The following PAPPA2 variants were observed in gnomAD, a reference collection of about 807,000 sequenced individuals.
PAPPA2 encodes pappalysin 2, also known as pappalysin-2.
A neutral mutation model predicts 176.4 loss-of-function variants in PAPPA2; 86 were observed. That is an observed-to-expected ratio of 0.49 (90% CI 0.41 to 0.58). PAPPA2 has a LOEUF of 0.58. Ranked by LOEUF, PAPPA2 falls within the 20% of genes least tolerant of loss-of-function variation. The pLI, the probability that PAPPA2 is intolerant of heterozygous loss-of-function variation, is 0.00. For synonymous variants in PAPPA2, 809 were observed against 852.2 expected, an observed-to-expected ratio of 0.95 and a Z score of 0.88; for missense variants, 2,073 against 2,256.9, an observed-to-expected ratio of 0.92 and a Z score of 1.65.
chr1:176,807,633 C>A (rs1463446353), intron 21 of PAPPA2, among the ~76,000 whole-genome samples: 1 of 151,790 alleles, frequency 6.6e-6, no homozygotes, highest in African/African-American at 2.4e-5. Flanking sequence ...GCAGCTGGGA[C>A]TACAGGCATG....
In PAPPA2 at chr1:176,555,762, C is replaced by T. The variant is rs1651240585; in HGVS notation, c.-561C>T. Reference sequence around the variant, plus strand: ...TTCTAGCAATTTGTTTTAAGGTGAACTTATTTTGGCTTAGGGACTACAAAA... The same window carrying T: ...TTCTAGCAATTTGTTTTAAGGTGAATTTATTTTGGCTTAGGGACTACAAAA... On this transcript the variant is annotated 5_prime_UTR_variant, in exon 2 of 23. Coordinates refer to ENST00000367662, the MANE Select transcript of PAPPA2 (RefSeq NM_020318.3). 6.6e-6 allele frequency: 1 copy of T among 152,214 alleles called. No homozygotes were observed. Among genetic ancestry groups the T allele is most frequent in the Non-Finnish European group, 1.5e-5 (1 of 68,146 alleles). 9.4% of individuals were successfully genotyped at this position (152,214 alleles called of 1,614,324 possible). A position where few individuals can be genotyped will look rare whatever the true frequency, so the allele number is the denominator to read the frequency against.
At chr1:176,644,800 C>T (rs1362258537) in intron 3 of PAPPA2, among the ~76,000 whole-genome samples, 1 of 151,736 alleles carries the variant, frequency 6.6e-6, no homozygotes, top group Non-Finnish European at 1.5e-5. Flanking sequence ...AAGGTGACAT[C>T]TATACCACCT....
At chr1:176,755,315 C>T (rs1471541070) in intron 14 of PAPPA2, among the ~76,000 whole-genome samples, 2 of 152,176 alleles carry the variant, frequency 1.3e-5, no homozygotes, top group African/African-American at 4.8e-5. Context: ...ATTCAAGGAG[C>T]TGGATTGTAA....
chr1:176,530,743 T>G (rs1649763635), intron 1 of PAPPA2, among the ~76,000 whole-genome samples: 2 of 152,192 alleles, frequency 1.3e-5, no homozygotes, highest in Non-Finnish European at 2.9e-5. Context: ...TCTTCACTTT[T>G]CAATTGATAA....
chr1:176,513,219 A>G (rs1648723407), intron 1 of PAPPA2, among the ~76,000 whole-genome samples: 1 of 152,030 alleles, frequency 6.6e-6, no homozygotes, highest in African/African-American at 2.4e-5. Context: ...CTACTGATTC[A>G]GTTTCTCTGG....
intron 14 of PAPPA2, among the ~76,000 whole-genome samples, chr1:176,745,006 G>A (rs867511776): frequency 2.0e-5 from 3 of 152,250 alleles, no homozygotes; most frequent in Middle Eastern, 6.8e-3. Context: ...TACCAGGTTG[G>A]AGTACCACCT....
chr1:176,714,754 C>G (rs995455764), intron 12 of PAPPA2, among the ~76,000 whole-genome samples: 1 of 152,162 alleles, frequency 6.6e-6, no homozygotes, highest in African/African-American at 2.4e-5. Flanking sequence ...CTACCTTCTC[C>G]TAGAAAACAC....
At chr1:176,553,157 A>C (rs567109459) in intron 1 of PAPPA2, among the ~76,000 whole-genome samples, 1 of 150,776 alleles carries the variant, frequency 6.6e-6, no homozygotes, top group Non-Finnish European at 1.5e-5. Context: ...CACTTGACAG[A>C]TTATTTGAAT....
At chr1:176,718,919 A>C (rs12140861) in intron 12 of PAPPA2, among the ~76,000 whole-genome samples, 5,259 of 151,996 alleles carry the variant, frequency 0.035, 124 homozygotes, top group Middle Eastern at 0.11. Flanking sequence ...GTGTTGTTGA[A>C]ATTTCCTATA....
rs71129581 is a variant in PAPPA2 at position 176,702,776 on chromosome 1, TGAGA to T, written c.3365+65_3365+68del. 9,213 of 1,121,350 alleles carry T rather than the reference TGAGA, an allele frequency of 8.2e-3. 28 individuals are homozygous for T. The highest frequency in any genetic ancestry group is 0.029 in the African/African-American group (1,456 of 49,666). 69.5% of individuals were successfully genotyped at this position (1,121,350 alleles called of 1,614,324 possible). A position where few individuals can be genotyped will look rare whatever the true frequency, so the allele number is the denominator to read the frequency against. On this transcript the variant is annotated intron_variant, in intron 9 of 22. Transcript: ENST00000367662. ...GTGTGTGTGTGTGTGTGTGTGTGTG[TGAGA>T]GAGAGAGAGAGAGAGAGAGAGAGGG...
intron 17 of PAPPA2, among the ~76,000 whole-genome samples, chr1:176,781,841 C>T (rs1474029168): frequency 6.6e-5 from 10 of 152,206 alleles, no homozygotes; most frequent in Admixed American, 5.9e-4. Flanking sequence ...CTAGGTACCA[C>T]ACTGTGTGTA....
intron 11 of PAPPA2, among the ~76,000 whole-genome samples, chr1:176,711,164 G>C (rs1205911136): frequency 6.6e-6 from 1 of 152,118 alleles, no homozygotes; most frequent in Non-Finnish European, 1.5e-5. Context: ...CAGATACACT[G>C]TCGCCTTGAA....
At chr1:176,623,601 TCCTTCC>T (rs1558478923) in intron 3 of PAPPA2, among the ~76,000 whole-genome samples, 29 of 145,582 alleles carry the variant, frequency 2.0e-4, no homozygotes, top group African/African-American at 6.8e-4. Context: ...CTTCCTTCCT[TCCTTCC>T]TTCCTTCCTT....
At chr1:176,499,088 A>G (rs1222010129) in intron 1 of PAPPA2, among the ~76,000 whole-genome samples, 2 of 152,172 alleles carry the variant, frequency 1.3e-5, no homozygotes, top group Non-Finnish European at 2.9e-5. Flanking sequence ...CAGAGGTGCT[A>G]TGACTGCAGG....
chr1:176,683,565 A>G (rs911384681), intron 4 of PAPPA2, among the ~76,000 whole-genome samples: 12 of 152,148 alleles, frequency 7.9e-5, no homozygotes, highest in East Asian at 1.9e-4. Flanking sequence ...CTCTCAGTCA[A>G]TTATGCCTGT....
intron 21 of PAPPA2, among the ~76,000 whole-genome samples, chr1:176,819,605 C>A (rs760940): frequency 0.55 from 83,971 of 152,074 alleles, 24,059 homozygotes; most frequent in East Asian, 0.72. Context: ...TTTGTAGACA[C>A]TAAAATGCTA....
At chr1:176,528,390 A>G (rs1279919400) in intron 1 of PAPPA2, among the ~76,000 whole-genome samples, 1 of 152,236 alleles carries the variant, frequency 6.6e-6, no homozygotes, top group African/African-American at 2.4e-5. Flanking sequence ...ACTTGAAGAA[A>G]GAGGCAATGT....
chr1:176,623,940 A>C (rs1655859051), intron 3 of PAPPA2, among the ~76,000 whole-genome samples: 1 of 151,568 alleles, frequency 6.6e-6, no homozygotes, highest in Admixed American at 6.6e-5. Flanking sequence ...TCCCAGGATC[A>C]AGCGATCCTC....
intron 12 of PAPPA2, among the ~76,000 whole-genome samples, chr1:176,727,533 C>T (rs1210793033): frequency 2.0e-5 from 3 of 151,878 alleles, no homozygotes; most frequent in Admixed American, 6.6e-5. Context: ...TAAATTGAAG[C>T]ACTTAAGAAC....
Sources: allele counts gnomAD v4.1 joint callset (sites outside exome capture counted in the v4.1 genomes callset), GRCh38; gene constraint gnomAD v4.1.1; transcripts MANE v1.5; gene names NCBI Gene and HGNC (gene_info 2026-07-23, HGNC 2026-07-21).